Variants in EDIL3 observed in about 807,000 individuals in gnomAD.
EDIL3 encodes EGF-like repeat and discoidin I-like domain-containing protein 3.
In EDIL3, 37 loss-of-function variants were observed where a neutral mutation model predicts 67.4. The ratio of observed to expected loss-of-function variants is 0.55; its 90% CI spans 0.42 to 0.72. EDIL3 has a LOEUF of 0.72. Among genes scored for constraint, EDIL3 ranks in the 30% least tolerant of loss-of-function variants. EDIL3 has a pLI of 0.00. For synonymous variants in EDIL3, 195 were observed against 196.3 expected, an observed-to-expected ratio of 0.99 and a Z score of 0.05; for missense variants, 527 against 586.3, an observed-to-expected ratio of 0.90 and a Z score of 1.04.
At chr5:84,275,678 G>T (rs996389978) in intron 1 of EDIL3, among the ~76,000 whole-genome samples, 1 of 152,140 alleles carries the variant, frequency 6.6e-6, no homozygotes, top group Non-Finnish European at 1.5e-5. Context: ...AGCGAAAGAG[G>T]TGATAATCTA....
At chr5:84,157,600 T>A (rs1432013370) in intron 4 of EDIL3, among the ~76,000 whole-genome samples, 1 of 152,100 alleles carries the variant, frequency 6.6e-6, no homozygotes, top group African/African-American at 2.4e-5. Flanking sequence ...AGTCTGGTTC[T>A]ATGTTTTCTC....
At chr5:84,075,214 G>T (rs775404227) in intron 6 of EDIL3, among the ~76,000 whole-genome samples, 6 of 151,790 alleles carry the variant, frequency 4.0e-5, no homozygotes, top group Non-Finnish European at 8.8e-5. Flanking sequence ...TGGGGGGAGT[G>T]GGGAGGGATA....
At chr5:84,112,301 C>A (rs1035571564) in intron 5 of EDIL3, among the ~76,000 whole-genome samples, 1 of 151,972 alleles carries the variant, frequency 6.6e-6, no homozygotes, top group African/African-American at 2.4e-5. Flanking sequence ...TAATGCAGAT[C>A]TGAAAGAGGG....
intron 4 of EDIL3, among the ~76,000 whole-genome samples, chr5:84,146,141 G>A (rs1748287110): frequency 6.6e-6 from 1 of 152,046 alleles, no homozygotes; most frequent in African/African-American, 2.4e-5. Flanking sequence ...ATAACAATTA[G>A]CACATCCTTC....
At chr5:83,962,680 T>A (rs1482086610) in intron 10 of EDIL3, among the ~76,000 whole-genome samples, 1 of 150,760 alleles carries the variant, frequency 6.6e-6, no homozygotes, top group Admixed American at 6.6e-5. Context: ...GAAAAACATC[T>A]GAGTTTTTTG....
intron 6 of EDIL3, among the ~76,000 whole-genome samples, chr5:84,069,662 C>T (rs1011814153): frequency 2.6e-5 from 4 of 151,998 alleles, no homozygotes; most frequent in African/African-American, 4.8e-5. Flanking sequence ...ATTATAAAAG[C>T]CGATAATCAT....
chr5:84,109,584 A>G (rs550236492), intron 5 of EDIL3, among the ~76,000 whole-genome samples: 2 of 152,204 alleles, frequency 1.3e-5, no homozygotes, highest in South Asian at 4.1e-4. Context: ...GATATATTAT[A>G]GGGTTATATC....
At chr5:84,062,952 T>C (rs1299091787) in intron 8 of EDIL3, among the ~76,000 whole-genome samples, 1 of 152,126 alleles carries the variant, frequency 6.6e-6, no homozygotes, top group Non-Finnish European at 1.5e-5. Flanking sequence ...GGTATTTCTA[T>C]AATGAAGTGC....
intron 1 of EDIL3, among the ~76,000 whole-genome samples, chr5:84,291,788 T>C (rs1446017999): frequency 6.8e-6 from 1 of 147,040 alleles, no homozygotes; most frequent in African/African-American, 2.5e-5. Context: ...TATACAGATA[T>C]ATACACACAC....
chr5:84,079,185 A>T (rs965212264), intron 6 of EDIL3, among the ~76,000 whole-genome samples: 3 of 152,048 alleles, frequency 2.0e-5, no homozygotes, highest in African/African-American at 7.2e-5. Flanking sequence ...CTTCTCCCAT[A>T]TCTCACCCTA....
chr5:84,272,313 T>C (rs902192193), intron 1 of EDIL3, among the ~76,000 whole-genome samples: 1 of 148,646 alleles, frequency 6.7e-6, no homozygotes, highest in Non-Finnish European at 1.5e-5. Flanking sequence ...TGTCCTAATG[T>C]ACAAGATAAA....
At chr5:84,240,599 C>T (rs897453579) in intron 2 of EDIL3, among the ~76,000 whole-genome samples, 2 of 152,090 alleles carry the variant, frequency 1.3e-5, no homozygotes, top group Non-Finnish European at 2.9e-5. Context: ...TGTGGGTTAT[C>T]TAGGGTGTGG....
chr5:83,945,585 C>T (rs956213385), intron 10 of EDIL3, among the ~76,000 whole-genome samples: 5 of 151,888 alleles, frequency 3.3e-5, no homozygotes, highest in African/African-American at 1.2e-4. Flanking sequence ...TAAGTGTCTG[C>T]TCTCCAGCAC....
intron 9 of EDIL3, among the ~76,000 whole-genome samples, chr5:84,023,997 A>C (rs1472967594): frequency 6.6e-6 from 1 of 152,176 alleles, no homozygotes; most frequent in Non-Finnish European, 1.5e-5. Flanking sequence ...AGTGCATTAA[A>C]ATTTTACTTA....
At chr5:84,342,151 T>C (rs1392757095) in intron 1 of EDIL3, among the ~76,000 whole-genome samples, 3 of 152,098 alleles carry the variant, frequency 2.0e-5, no homozygotes, top group Non-Finnish European at 4.4e-5. Context: ...AGAGTGTATA[T>C]AGACAACAGA....
chr5:84,269,124 T>A (rs1236687571), intron 1 of EDIL3, among the ~76,000 whole-genome samples: 1 of 152,188 alleles, frequency 6.6e-6, no homozygotes, highest in Non-Finnish European at 1.5e-5. Flanking sequence ...CTCTTTTATG[T>A]TTCTTTCACA....
chr5:84,300,217 C>T (rs1053514603), intron 1 of EDIL3, among the ~76,000 whole-genome samples: 1 of 152,092 alleles, frequency 6.6e-6, no homozygotes, highest in Non-Finnish European at 1.5e-5. Context: ...AGCTTTTGGC[C>T]CTCTTACATC....
At chr5:83,956,240 G>C (rs1744512000) in intron 10 of EDIL3, among the ~76,000 whole-genome samples, 1 of 151,670 alleles carries the variant, frequency 6.6e-6, no homozygotes, top group South Asian at 2.1e-4. Flanking sequence ...CTGCATCCAA[G>C]AACAAACATC....
intron 3 of EDIL3, among the ~76,000 whole-genome samples, chr5:84,190,420 T>C (rs1037476252): frequency 6.6e-6 from 1 of 151,870 alleles, no homozygotes; most frequent in Non-Finnish European, 1.5e-5. Flanking sequence ...CAGCTTGCAG[T>C]GCAAAGTCCT....
Sources: gnomAD v4.1 joint callset for allele counts (sites outside exome capture counted in the v4.1 genomes callset) on GRCh38, gnomAD v4.1.1 for gene constraint, MANE v1.5 for transcripts, NCBI Gene and HGNC (gene_info 2026-07-23, HGNC 2026-07-21) for gene names.